MYO10: variants seen among roughly 807,000 people sequenced by gnomAD.
MYO10 encodes myosin X, also known as unconventional myosin-X.
In MYO10, 133 loss-of-function variants were observed where a neutral mutation model predicts 257.3. The observed-to-expected ratio is 0.52, with a 90% CI of 0.45 to 0.60. MYO10 has a LOEUF of 0.60. Ranked by LOEUF, MYO10 falls within the 20% of genes least tolerant of loss-of-function variation. The pLI, the probability that MYO10 is intolerant of heterozygous loss-of-function variation, is 0.00. For missense variants in MYO10, 2,399 were observed against 2,635.7 expected, an observed-to-expected ratio of 0.91 and a Z score of 1.97; for synonymous variants, 1,104 against 1,028.6, an observed-to-expected ratio of 1.07 and a Z score of -1.40.
rs56035314 is a variant in MYO10, at chr5:16,796,357, G to T, written c.280-1524C>A. Among the ~76,000 whole-genome samples the T allele has an allele frequency of 1.4e-4, 9 of 63,244 alleles. No homozygotes were observed. The South Asian group carries it at 4.8e-3, about 34-fold the overall frequency. The allele number at this position is 63,244 out of a possible 152,430, so 41.5% of individuals were successfully genotyped here. ...AAGAAAGGGAAAGAGAGGAAGAAAG[G>T]AAAGAAAGGGAAGAAAAAGAAAAGA... On this transcript the variant is annotated intron_variant, in intron 3 of 40. Coordinates refer to ENST00000513610, the MANE Select transcript of MYO10 (RefSeq NM_012334.3).
chr5:16,878,499 C>G (rs1744666141), intron 1 of MYO10, among the ~76,000 whole-genome samples: 1 of 152,144 alleles, frequency 6.6e-6, no homozygotes, highest in Non-Finnish European at 1.5e-5. Context: ...CCCCACTGGA[C>G]AAATGAAATA....
At chr5:16,684,625 C>A (rs113929732) in intron 29 of MYO10, among the ~76,000 whole-genome samples, 2 of 152,234 alleles carry the variant, frequency 1.3e-5, no homozygotes, top group African/African-American at 4.8e-5. Flanking sequence ...ATATTGTGTC[C>A]TTTAATTAAA....
chr5:16,832,546 T>C (rs1743191717), intron 2 of MYO10, among the ~76,000 whole-genome samples: 2 of 152,190 alleles, frequency 1.3e-5, no homozygotes, highest in South Asian at 4.1e-4. Context: ...TCAAGAGGCA[T>C]GGATGGAACC....
At chr5:16,774,303 G>A (rs75098631) in intron 9 of MYO10, among the ~76,000 whole-genome samples, 1 of 152,196 alleles carries the variant, frequency 6.6e-6, no homozygotes, top group Non-Finnish European at 1.5e-5. Flanking sequence ...GGTACCTCCA[G>A]AAGAAGTCAA....
At position 16,783,445 on chromosome 5, in the gene MYO10, G is replaced by C. The variant is rs201977953; in HGVS notation, c.492C>G (p.Thr164=). 9.3e-6 allele frequency: 15 copies of C among 1,610,776 alleles called. No individual in the cohort carries two copies. The highest frequency in any genetic ancestry group is 6.7e-5 in the South Asian group (6 of 89,892). The change falls in exon 5 of 41, where the codon ACC becomes ACG. Residue 164 remains threonine (T), a synonymous_variant. Coordinates refer to ENST00000513610, the MANE Select transcript of MYO10 (RefSeq NM_012334.3). ...ACTTGAGGATCAATTTAGTGCTTTC[G>C]GTTTTACCTGCCCCACTTTCACCAC... is the stretch of plus-strand genomic sequence containing the variant. ...LISGESGAGK[T]ESTKLILKFL...
At position 16,792,132 on chromosome 5, in the gene MYO10, C is replaced by CAGAG. The variant is rs1553996647; in HGVS notation, c.467+2510_467+2513dup. On this transcript the variant is annotated intron_variant, in intron 4 of 40. Transcript: ENST00000513610. ...ACATACACACACACACACACACACA[C>CAGAG]AGAGAGAGAGAGAGAGAGAGAGAGA... 9.2e-3 allele frequency among the ~76,000 whole-genome samples: 691 copies of CAGAG among 75,338 alleles called. 6 individuals carry two copies. Among genetic ancestry groups the CAGAG allele is most frequent in the African/African-American group, 0.021 (592 of 28,584 alleles). The allele number at this position is 75,338 out of a possible 152,430, so 49.4% of individuals were successfully genotyped here.
At chr5:16,921,410 C>G (rs1397467175) in intron 1 of MYO10, among the ~76,000 whole-genome samples, 2 of 151,998 alleles carry the variant, frequency 1.3e-5, no homozygotes, top group Non-Finnish European at 2.9e-5. Context: ...CGCAGTGGTT[C>G]CAGCTGGCCA....
chr5:16,885,759 C>T (rs935512608), intron 1 of MYO10, among the ~76,000 whole-genome samples: 1 of 152,092 alleles, frequency 6.6e-6, no homozygotes, highest in Admixed American at 6.5e-5. Flanking sequence ...GCAGCGCTAA[C>T]GCGAGCCACA....
chr5:16,698,202 C>T (rs1238509846), intron 26 of MYO10, among the ~76,000 whole-genome samples: 1 of 152,088 alleles, frequency 6.6e-6, no homozygotes, highest in Non-Finnish European at 1.5e-5. Context: ...GAGATTCCAT[C>T]TCTATAAAAA....
At chr5:16,765,828 A>G (rs952552496) in intron 11 of MYO10, among the ~76,000 whole-genome samples, 2 of 152,186 alleles carry the variant, frequency 1.3e-5, no homozygotes, top group African/African-American at 4.8e-5. Flanking sequence ...AAAGTCAGGC[A>G]ATCTGCATTC....
chr5:16,688,140 G>A (rs1737331954), intron 28 of MYO10, among the ~76,000 whole-genome samples: 2 of 152,150 alleles, frequency 1.3e-5, no homozygotes, highest in Non-Finnish European at 2.9e-5. Flanking sequence ...GCATTCCCTG[G>A]GCCACAAACA....
At chr5:16,784,221 T>C (rs1284029358) in intron 4 of MYO10, among the ~76,000 whole-genome samples, 2 of 152,180 alleles carry the variant, frequency 1.3e-5, no homozygotes, top group South Asian at 2.1e-4. Context: ...AAGATTCTTA[T>C]GGGAGAATGA....
At chr5:16,738,847 C>T (rs1028284705) in intron 19 of MYO10, among the ~76,000 whole-genome samples, 39 of 145,964 alleles carry the variant, frequency 2.7e-4, no homozygotes, top group Non-Finnish European at 5.1e-4. Context: ...GCCAGGTTTG[C>T]ACCACTGCAC....
At chr5:16,730,551 A>T (rs937681606) in intron 19 of MYO10, among the ~76,000 whole-genome samples, 2 of 152,236 alleles carry the variant, frequency 1.3e-5, no homozygotes, top group Non-Finnish European at 2.9e-5. Flanking sequence ...AAATAACCAG[A>T]AGACAAATCA....
chr5:16,694,753 G>T, intron 26 of MYO10, 139 bp from the exon 27 acceptor site: 3 of 1,122,070 alleles, frequency 2.7e-6, no homozygotes, highest in Non-Finnish European at 2.6e-6. Flanking sequence ...ACCCCTCAGT[G>T]AGGAGTGGCA....
chr5:16,917,417 T>C (rs971014979), intron 1 of MYO10, among the ~76,000 whole-genome samples: 3 of 152,144 alleles, frequency 2.0e-5, no homozygotes, highest in African/African-American at 7.2e-5. Flanking sequence ...ATTGAGGATG[T>C]TTAGCAGCAT....
At chr5:16,844,227 C>T (rs558935854) in intron 2 of MYO10, among the ~76,000 whole-genome samples, 1 of 152,144 alleles carries the variant, frequency 6.6e-6, no homozygotes, top group Non-Finnish European at 1.5e-5. Context: ...TATTTTTATC[C>T]ACTCCTTTTT....
chr5:16,671,378 C>T, intron 38 of MYO10, 44 bp downstream of exon 38: 5 of 1,607,442 alleles, frequency 3.1e-6, no homozygotes, highest in Non-Finnish European at 4.3e-6. Context: ...AGGTTTCACC[C>T]TTGCTTGCCG....
intron 1 of MYO10, among the ~76,000 whole-genome samples, chr5:16,926,760 A>G (rs1374834701): frequency 1.3e-5 from 2 of 152,102 alleles, no homozygotes; most frequent in Non-Finnish European, 2.9e-5. Flanking sequence ...CCACCTTGGT[A>G]TTACTGTCCG....
Sources: gnomAD v4.1 joint callset for allele counts (sites outside exome capture counted in the v4.1 genomes callset) on GRCh38, gnomAD v4.1.1 for gene constraint, MANE v1.5 for transcripts, NCBI Gene and HGNC (gene_info 2026-07-23, HGNC 2026-07-21) for gene names.